The following GRID1 variants were observed in gnomAD, a reference collection of about 807,000 sequenced individuals.
The protein encoded by GRID1 is glutamate receptor ionotropic, delta-1.
Under a neutral mutation model 98.0 loss-of-function variants are expected in GRID1, and 28 were observed. That is an observed-to-expected ratio of 0.29 (90% CI 0.21 to 0.39). The LOEUF (loss-of-function observed/expected upper bound fraction) is 0.39. Among genes scored for constraint, GRID1 ranks in the 10% least tolerant of loss-of-function variants. The pLI is 1.00. For missense variants in GRID1, 1,111 were observed against 1,340.5 expected, an observed-to-expected ratio of 0.83 and a Z score of 2.67; for synonymous variants, 553 against 538.5, an observed-to-expected ratio of 1.03 and a Z score of -0.37.
chr10:86,164,833 C>T (rs1053699017), intron 3 of GRID1, among the ~76,000 whole-genome samples: 2 of 152,104 alleles, frequency 1.3e-5, no homozygotes, highest in Admixed American at 6.5e-5. Flanking sequence ...TCTCTTGGGG[C>T]CCCAAGGGGT....
chr10:86,181,948 A>T (rs1202366006), intron 3 of GRID1, among the ~76,000 whole-genome samples: 1 of 152,188 alleles, frequency 6.6e-6, no homozygotes, highest in African/African-American at 2.4e-5. Context: ...ATAAATACTC[A>T]TTGGACGAAT....
At chr10:85,900,316 A>G (rs1285076788) in intron 5 of GRID1, among the ~76,000 whole-genome samples, 1 of 152,194 alleles carries the variant, frequency 6.6e-6, no homozygotes, top group Non-Finnish European at 1.5e-5. Context: ...AGGAGGTGTA[A>G]TAACAGGGTA....
chr10:85,719,178 C>G (rs1841672722), intron 12 of GRID1, among the ~76,000 whole-genome samples: 1 of 152,182 alleles, frequency 6.6e-6, no homozygotes, highest in Non-Finnish European at 1.5e-5. Flanking sequence ...CAGCCTGGAC[C>G]TTATTGTTTG....
At chr10:85,744,581 T>C (rs1191900849) in intron 8 of GRID1, among the ~76,000 whole-genome samples, 2 of 129,224 alleles carry the variant, frequency 1.5e-5, no homozygotes, top group South Asian at 5.7e-4. Context: ...CAAGATGGAT[T>C]AAAGATTTAA....
chr10:85,617,395 C>T (rs1391501813), intron 14 of GRID1, among the ~76,000 whole-genome samples: 2 of 152,194 alleles, frequency 1.3e-5, no homozygotes, highest in East Asian at 3.9e-4. Context: ...ACCACATCCA[C>T]CTAATTTTTT....
intron 5 of GRID1, among the ~76,000 whole-genome samples, chr10:85,890,531 C>T (rs75786979): frequency 2.6e-5 from 4 of 152,126 alleles, no homozygotes; most frequent in Admixed American, 2.6e-4. Flanking sequence ...ACTGTATATA[C>T]CCACAATTTT....
At chr10:86,185,863 C>T (rs1002175185) in intron 3 of GRID1, among the ~76,000 whole-genome samples, 2 of 152,164 alleles carry the variant, frequency 1.3e-5, no homozygotes, top group African/African-American at 2.4e-5. Context: ...TGTTGAAGTT[C>T]TTATGAAGGA....
intron 8 of GRID1, among the ~76,000 whole-genome samples, chr10:85,837,847 T>C (rs1029928027): frequency 3.3e-5 from 5 of 152,038 alleles, no homozygotes; most frequent in African/African-American, 9.7e-5. Context: ...ATTCAGAATA[T>C]GGATAAGAAC....
chr10:85,603,068 G>A (rs930119452), intron 15 of GRID1, among the ~76,000 whole-genome samples: 2 of 152,234 alleles, frequency 1.3e-5, no homozygotes, highest in Admixed American at 6.5e-5. Context: ...AAAGGAAATA[G>A]TCCTTGAGCC....
chr10:85,600,128 T>C lies in GRID1; in HGVS notation c.*2145A>G, dbSNP rs908650551. ...TGAGACCAGAGTTTGATTAAAAAAA[T>C]AGAGAGATATATATGTGAAAAATTG... On this transcript the variant is annotated 3_prime_UTR_variant, in exon 16 of 16. Coordinates refer to ENST00000327946, the MANE Select transcript of GRID1 (RefSeq NM_017551.3). 2.6e-5 allele frequency: 4 copies of C among 152,002 alleles called. No homozygotes were observed. Among genetic ancestry groups the C allele is most frequent in the African/African-American group, 9.7e-5 (4 of 41,184 alleles). 9.4% of individuals were successfully genotyped at this position (152,002 alleles called of 1,614,324 possible).
At chr10:86,105,716 G>A (rs1448698911) in intron 4 of GRID1, among the ~76,000 whole-genome samples, 1 of 152,186 alleles carries the variant, frequency 6.6e-6, no homozygotes, top group Non-Finnish European at 1.5e-5. Context: ...CCCCTCTCCA[G>A]CAAAGGTTGG....
intron 8 of GRID1, among the ~76,000 whole-genome samples, chr10:85,753,308 T>G (rs1429036338): frequency 2.0e-5 from 3 of 152,216 alleles, no homozygotes; most frequent in African/African-American, 7.2e-5. Flanking sequence ...AGCACTGCCA[T>G]GTGTGGCACA....
intron 12 of GRID1, among the ~76,000 whole-genome samples, chr10:85,713,681 T>A (rs1442538077): frequency 6.9e-6 from 1 of 145,834 alleles, no homozygotes; most frequent in South Asian, 2.2e-4. Flanking sequence ...ACCCCCAGGA[T>A]GCAAGAATGG....
chr10:86,216,620 G>A (rs751722902), intron 2 of GRID1, among the ~76,000 whole-genome samples: 53 of 152,184 alleles, frequency 3.5e-4, no homozygotes, highest in African/African-American at 1.2e-3. Flanking sequence ...GGAGTGGTTC[G>A]GGGTCAGAAA....
intron 2 of GRID1, among the ~76,000 whole-genome samples, chr10:86,327,042 A>T (rs1267355908): frequency 6.6e-6 from 1 of 152,178 alleles, no homozygotes; most frequent in East Asian, 1.9e-4. Context: ...AGGGTGAGGC[A>T]GGAGAATCAC....
At chr10:85,811,160 T>C (rs1842667580) in intron 8 of GRID1, among the ~76,000 whole-genome samples, 1 of 152,162 alleles carries the variant, frequency 6.6e-6, no homozygotes, top group Non-Finnish European at 1.5e-5. Flanking sequence ...CTGAAGAAAC[T>C]GCACTACTTT....
At chr10:85,985,691 C>T (rs1354038862) in intron 4 of GRID1, among the ~76,000 whole-genome samples, 1 of 152,224 alleles carries the variant, frequency 6.6e-6, no homozygotes, top group East Asian at 1.9e-4. Flanking sequence ...CCCTGTATGT[C>T]CCCACTGAGA....
intron 12 of GRID1, among the ~76,000 whole-genome samples, chr10:85,704,580 G>T (rs967759067): frequency 2.0e-5 from 3 of 152,070 alleles, no homozygotes; most frequent in Non-Finnish European, 4.4e-5. Flanking sequence ...AGTTAACAAG[G>T]ATATCCAGGA....
intron 2 of GRID1, among the ~76,000 whole-genome samples, chr10:86,296,531 G>A (rs967498733): frequency 1.3e-5 from 2 of 152,084 alleles, no homozygotes; most frequent in Admixed American, 6.6e-5. Context: ...TTGAGATCAG[G>A]AGTTCAAGAC....
Sources: allele counts gnomAD v4.1 joint callset (sites outside exome capture counted in the v4.1 genomes callset), GRCh38; gene constraint gnomAD v4.1.1; transcripts MANE v1.5; gene names NCBI Gene and HGNC (gene_info 2026-07-23, HGNC 2026-07-21).